The following HMGCLL1 variants were observed in gnomAD, a reference collection of about 807,000 sequenced individuals.
HMGCLL1 encodes the protein 3-hydroxymethyl-3-methylglutaryl-CoA lyase, cytoplasmic.
A neutral mutation model predicts 39.1 loss-of-function variants in HMGCLL1; 36 were observed. That is an observed-to-expected ratio of 0.92 (90% CI 0.71 to 1.22). The LOEUF (loss-of-function observed/expected upper bound fraction) is 1.22. HMGCLL1 is among the 50% of genes most tolerant of loss of function. HMGCLL1 has a pLI of 0.00. For synonymous variants in HMGCLL1, 149 were observed against 144.0 expected (o/e 1.03, Z -0.25); for missense variants, 451 against 416.5 (o/e 1.08, Z -0.72).
chr6:55,560,243 A>G (rs550310962), intron 1 of HMGCLL1, among the ~76,000 whole-genome samples: 1 of 152,190 alleles, frequency 6.6e-6, no homozygotes, highest in Non-Finnish European at 1.5e-5. Flanking sequence ...GCGTTTTCTT[A>G]GGACTTTAAA....
chr6:55,516,055 T>C (rs1299628007), intron 4 of HMGCLL1, among the ~76,000 whole-genome samples: 4 of 151,870 alleles, frequency 2.6e-5, no homozygotes, highest in Non-Finnish European at 5.9e-5. Flanking sequence ...ATAGGGAAAG[T>C]AACTAGAGCC....
chr6:55,599,112 GGGGGTTGC>G, the HMGCLL1 span, among the ~76,000 whole-genome samples: 1 of 152,072 alleles, frequency 6.6e-6, no homozygotes, highest in Non-Finnish European at 1.5e-5. Flanking sequence ...AGGGCCTGTC[GGGGGTTGC>G]GGGGCTAGGG....
intron 5 of HMGCLL1, among the ~76,000 whole-genome samples, chr6:55,510,206 G>A (rs940514561): frequency 2.6e-5 from 4 of 151,894 alleles, no homozygotes; most frequent in African/African-American, 7.3e-5. Context: ...GGTTAATCAC[G>A]AATCAAATGA....
chr6:55,442,078 T>C lies in HMGCLL1; in HGVS notation c.796-2519A>G, dbSNP rs1026035716. 3.3e-5 allele frequency among the ~76,000 whole-genome samples: 5 copies of C among 152,270 alleles called. No individual in the cohort carries two copies. The South Asian group carries it at 1.0e-3, about 32-fold the overall frequency. On this transcript the variant is annotated intron_variant, in intron 7 of 8. Coordinates refer to ENST00000274901, the MANE Select transcript of HMGCLL1 (RefSeq NM_001042406.2). ...GAGGTAAAGTGTCATCCTGAAAGCATTATATCAAGGATATATAATATCAAT... is the reference window on the plus strand; with the variant it reads ...GAGGTAAAGTGTCATCCTGAAAGCACTATATCAAGGATATATAATATCAAT...
the HMGCLL1 span, among the ~76,000 whole-genome samples, chr6:55,631,319 A>C: frequency 6.6e-6 from 1 of 151,946 alleles, no homozygotes; most frequent in Non-Finnish European, 1.5e-5. Flanking sequence ...TTATATGCAT[A>C]GTTGTTCAAT....
intron 5 of HMGCLL1, 97 bp downstream of exon 5, chr6:55,513,951 A>G: frequency 6.8e-6 from 7 of 1,033,556 alleles, no homozygotes; most frequent in South Asian, 6.1e-5. Flanking sequence ...TATTCTATGT[A>G]TATTTTTATA....
chr6:55,544,003 T>C (rs1389308077), intron 1 of HMGCLL1, among the ~76,000 whole-genome samples: 1 of 152,136 alleles, frequency 6.6e-6, no homozygotes, highest in Non-Finnish European at 1.5e-5. Flanking sequence ...AAACTGAGGC[T>C]AGAAAAGACA....
At chr6:55,534,978 C>T (rs1768929733) in intron 3 of HMGCLL1, among the ~76,000 whole-genome samples, 1 of 152,134 alleles carries the variant, frequency 6.6e-6, no homozygotes, top group South Asian at 2.1e-4. Context: ...TGGTTCATGC[C>T]ATTTAAGTAC....
At chr6:55,632,825 G>A in the HMGCLL1 span, among the ~76,000 whole-genome samples, 1 of 152,036 alleles carries the variant, frequency 6.6e-6, no homozygotes, top group South Asian at 2.1e-4. Flanking sequence ...TTCTTCCTTG[G>A]AATCTGCTAG....
intron 5 of HMGCLL1, among the ~76,000 whole-genome samples, chr6:55,506,561 C>T (rs937211048): frequency 5.3e-5 from 8 of 151,636 alleles, no homozygotes; most frequent in African/African-American, 1.9e-4. Context: ...GTGGGCCACT[C>T]TGAATAACAT....
At chr6:55,586,684 TG>T in the HMGCLL1 span, among the ~76,000 whole-genome samples, 3 of 151,984 alleles carry the variant, frequency 2.0e-5, no homozygotes, top group Non-Finnish European at 4.4e-5. Flanking sequence ...TGGAGAATGA[TG>T]GTTTCCAGTT....
chr6:55,580,406 C>CATTTTTTTTTTT (rs1561975445), upstream of HMGCLL1, among the ~76,000 whole-genome samples: 1 of 73,266 alleles, frequency 1.4e-5, no homozygotes. Flanking sequence ...TTTTTTCTTT[C>CATTTTTTTTTTT]TTTTTTTTTT....
chr6:55,538,187 A>G (rs1459401360), intron 3 of HMGCLL1, among the ~76,000 whole-genome samples: 1 of 152,202 alleles, frequency 6.6e-6, no homozygotes, highest in Non-Finnish European at 1.5e-5. Context: ...TACTATAGGA[A>G]AGACTATTTT....
At chr6:55,566,056 T>G (rs1156902964) in intron 1 of HMGCLL1, among the ~76,000 whole-genome samples, 2 of 152,122 alleles carry the variant, frequency 1.3e-5, no homozygotes, top group Non-Finnish European at 2.9e-5. Flanking sequence ...AAAATAAGAT[T>G]CATATTTTGA....
At chr6:55,584,055 T>G (rs1772029080), upstream of HMGCLL1, among the ~76,000 whole-genome samples, 1 of 152,106 alleles carries the variant, frequency 6.6e-6, no homozygotes, top group Non-Finnish European at 1.5e-5. Flanking sequence ...AATGTACTCT[T>G]CCATTTGGTG....
chr6:55,592,725 G>A, the HMGCLL1 span, among the ~76,000 whole-genome samples: 9 of 152,042 alleles, frequency 5.9e-5, no homozygotes, highest in East Asian at 1.9e-4. Flanking sequence ...AAGTACTAAC[G>A]TCTGCTGAGC....
chr6:55,510,504 A>C (rs1415439974), intron 5 of HMGCLL1, among the ~76,000 whole-genome samples: 1 of 151,548 alleles, frequency 6.6e-6, no homozygotes, highest in African/African-American at 2.4e-5. Context: ...ACATGGATGA[A>C]ATTGGAAATC....
chr6:55,520,110 CG>C (rs1767960867), intron 3 of HMGCLL1, among the ~76,000 whole-genome samples: 1 of 26,282 alleles, frequency 3.8e-5, no homozygotes, highest in East Asian at 6.9e-4. Context: ...GGGTGGGGGG[CG>C]GGGGGAGGGA....
At chr6:55,476,416 T>G (rs1303848098) in intron 7 of HMGCLL1, among the ~76,000 whole-genome samples, 1 of 151,680 alleles carries the variant, frequency 6.6e-6, no homozygotes, top group Non-Finnish European at 1.5e-5. Flanking sequence ...TGTGCTTATA[T>G]TCTACAATCT....
Sources: gnomAD v4.1 joint callset for allele counts (sites outside exome capture counted in the v4.1 genomes callset) on GRCh38, gnomAD v4.1.1 for gene constraint, MANE v1.5 for transcripts, NCBI Gene and HGNC (gene_info 2026-07-23, HGNC 2026-07-21) for gene names.